PTPN14: variants seen among roughly 807,000 people sequenced by gnomAD.
PTPN14 encodes the protein tyrosine-protein phosphatase non-receptor type 14.
A neutral mutation model predicts 126.8 loss-of-function variants in PTPN14; 53 were observed. The observed-to-expected ratio is 0.42, with a 90% CI of 0.34 to 0.53. The LOEUF (loss-of-function observed/expected upper bound fraction) is 0.53. PTPN14 is among the 20% of genes least tolerant of loss of function. The pLI, the probability that PTPN14 is intolerant of heterozygous loss-of-function variation, is 0.08. For missense variants in PTPN14, 1,257 were observed against 1,552.9 expected, an observed-to-expected ratio of 0.81 and a Z score of 3.20; for synonymous variants, 630 against 599.3, an observed-to-expected ratio of 1.05 and a Z score of -0.75.
intron 1 of PTPN14, among the ~76,000 whole-genome samples, chr1:214,542,081 T>C (rs1370631250): frequency 6.6e-6 from 1 of 152,230 alleles, no homozygotes; most frequent in Non-Finnish European, 1.5e-5. Context: ...ATCCTTCTGG[T>C]ATTTCCTTAT....
intron 3 of PTPN14, among the ~76,000 whole-genome samples, chr1:214,424,532 C>CA (rs1475198576): frequency 7.2e-6 from 1 of 138,940 alleles, no homozygotes; most frequent in Non-Finnish European, 1.6e-5. Flanking sequence ...CACTTTCTTT[C>CA]TTTTTTTTTT....
At chr1:214,433,968 A>C (rs879880405) in intron 3 of PTPN14, among the ~76,000 whole-genome samples, 48,342 of 127,836 alleles carry the variant, frequency 0.38, 8,822 homozygotes, top group Non-Finnish European at 0.46. Context: ...AAAAAAAAAA[A>C]AAAACTCAAA....
At chr1:214,448,355 C>G (rs1379299602) in intron 3 of PTPN14, among the ~76,000 whole-genome samples, 1 of 152,028 alleles carries the variant, frequency 6.6e-6, no homozygotes, top group Non-Finnish European at 1.5e-5. Context: ...CTCAGACTCC[C>G]GCGTAGCTGG....
intron 1 of PTPN14, among the ~76,000 whole-genome samples, chr1:214,512,128 AC>A (rs1392261207): frequency 6.6e-6 from 1 of 151,706 alleles, no homozygotes; most frequent in Admixed American, 6.6e-5. Flanking sequence ...CAGTGCCCAC[AC>A]CCCCAACCAT....
intron 1 of PTPN14, among the ~76,000 whole-genome samples, chr1:214,485,186 C>T (rs75119704): frequency 0.09 from 13,711 of 152,144 alleles, 885 homozygotes; most frequent in Non-Finnish European, 0.13. Flanking sequence ...ATTTATCACC[C>T]ACCACCACCA....
At chr1:214,539,489 T>C (rs1181502761) in intron 1 of PTPN14, among the ~76,000 whole-genome samples, 1 of 152,222 alleles carries the variant, frequency 6.6e-6, no homozygotes, top group African/African-American at 2.4e-5. Context: ...ATAGGTGGTC[T>C]TTGCACTTCT....
chr1:214,491,636 G>A (rs1268953601), intron 1 of PTPN14, among the ~76,000 whole-genome samples: 1 of 152,176 alleles, frequency 6.6e-6, no homozygotes, highest in East Asian at 1.9e-4. Flanking sequence ...CTCCTCCTGT[G>A]ATGCCAGTTC....
At chr1:214,416,272 G>A (rs1014850418) in intron 3 of PTPN14, among the ~76,000 whole-genome samples, 1 of 152,186 alleles carries the variant, frequency 6.6e-6, no homozygotes, top group Non-Finnish European at 1.5e-5. Flanking sequence ...AAGAACCAAG[G>A]AGTAAAACAT....
At chr1:214,379,690 G>A (rs11120306) in intron 13 of PTPN14, among the ~76,000 whole-genome samples, 1 of 152,206 alleles carries the variant, frequency 6.6e-6, no homozygotes, top group African/African-American at 2.4e-5. Flanking sequence ...CCTTTGGAGA[G>A]GCTAATCAGA....
intron 1 of PTPN14, among the ~76,000 whole-genome samples, chr1:214,491,435 A>G (rs879738327): frequency 5.3e-5 from 8 of 152,194 alleles, no homozygotes; most frequent in Non-Finnish European, 8.8e-5. Context: ...ATCCTTCCAC[A>G]AATGGGAGTG....
Position 214,369,472 on chromosome 1 carries a change from C to T in PTPN14, c.3256G>A (p.Val1086Ile), listed in dbSNP as rs753788551. 2 of 1,613,846 alleles carry T rather than the reference C, an allele frequency of 1.2e-6. No homozygotes were observed. The highest frequency in any genetic ancestry group is 2.2e-5 in the South Asian group (2 of 91,078). ...AAACACTTACATAAAAATCCTTGGA[C>T]ATCTTCTGGACAGCCGTGATCTGGC... ...DWPDHGCPED[V>I]QGFLSYLEEI... Residue 1086 changes from valine to isoleucine, a missense_variant, in exon 17 of 19, where the codon GTC becomes ATC. Physicochemically the swap from Val to Ile is conservative, Grantham distance 29. Coordinates refer to ENST00000366956, the MANE Select transcript of PTPN14 (RefSeq NM_005401.5).
chr1:214,522,729 C>T (rs1287434898), intron 1 of PTPN14, among the ~76,000 whole-genome samples: 2 of 152,098 alleles, frequency 1.3e-5, no homozygotes, highest in East Asian at 3.8e-4. Context: ...AAAATGAAGA[C>T]CACCAGAGGG....
intron 5 of PTPN14, among the ~76,000 whole-genome samples, chr1:214,408,053 C>CATGCCATTAGTCTTTCAGCCTTCCCT (rs1421074128): frequency 6.6e-6 from 1 of 152,220 alleles, no homozygotes; most frequent in Non-Finnish European, 1.5e-5. Context: ...TAACAGCACA[C>CATGCCATTAGTCTTTCAGCCTTCCCT]ATGCCATTAG....
At chr1:214,358,764 CAG>C (rs1657884456) in intron 18 of PTPN14, among the ~76,000 whole-genome samples, 1 of 142,166 alleles carries the variant, frequency 7.0e-6, no homozygotes, top group Non-Finnish European at 1.5e-5. Flanking sequence ...TTTTTTGAGA[CAG>C]AGTTTCACTC....
At chr1:214,366,210 G>A (rs1408258007) in intron 17 of PTPN14, among the ~76,000 whole-genome samples, 7 of 152,082 alleles carry the variant, frequency 4.6e-5, no homozygotes, top group East Asian at 1.9e-4. Context: ...AGGAGATGCC[G>A]TGAGATGCAT....
chr1:214,515,602 C>A (rs189624669), intron 1 of PTPN14, among the ~76,000 whole-genome samples: 113 of 152,172 alleles, frequency 7.4e-4, no homozygotes, highest in Non-Finnish European at 1.3e-3. Context: ...TAGGGAATAT[C>A]TTTTCATTTA....
chr1:214,479,194 A>C (rs1305837019), intron 1 of PTPN14, among the ~76,000 whole-genome samples: 1 of 152,106 alleles, frequency 6.6e-6, no homozygotes, highest in Non-Finnish European at 1.5e-5. Flanking sequence ...AAAAAATTTA[A>C]AAATTAACTG....
At chr1:214,402,539 CT>C (rs1659048361) in intron 6 of PTPN14, among the ~76,000 whole-genome samples, 1 of 150,040 alleles carries the variant, frequency 6.7e-6, no homozygotes, top group South Asian at 2.1e-4. Context: ...AAGTTTCTCT[CT>C]TTTTCTTTCC....
At chr1:214,366,622 G>A (rs759361766) in intron 17 of PTPN14, among the ~76,000 whole-genome samples, 3 of 152,140 alleles carry the variant, frequency 2.0e-5, no homozygotes, top group Non-Finnish European at 4.4e-5. Flanking sequence ...TAAAACCTAG[G>A]AGAAACAGAT....
Sources: gnomAD v4.1 joint callset for allele counts (sites outside exome capture counted in the v4.1 genomes callset) on GRCh38, gnomAD v4.1.1 for gene constraint, MANE v1.5 for transcripts, NCBI Gene and HGNC (gene_info 2026-07-23, HGNC 2026-07-21) for gene names.